The following CALHM1 variants were observed in gnomAD, a reference collection of about 807,000 sequenced individuals.
CALHM1 encodes the protein calcium homeostasis modulator protein 1.
CALHM1 carries 11 observed loss-of-function variants against 14.8 expected under a neutral mutation model. The ratio of observed to expected loss-of-function variants is 0.74; its 90% confidence interval spans 0.47 to 1.23. CALHM1 has a LOEUF of 1.23. Among genes scored for constraint, CALHM1 ranks in the 50% most tolerant of loss-of-function variants. CALHM1 has a pLI of 0.00. For synonymous variants in CALHM1, 215 were observed against 218.9 expected (o/e 0.98, Z 0.16); for missense variants, 458 against 496.4 (o/e 0.92, Z 0.74).
intron 1 of CALHM1, among the ~76,000 whole-genome samples, chr10:103,457,116 G>A (rs2133824014): frequency 6.6e-6 from 1 of 152,308 alleles, no homozygotes; most frequent in South Asian, 2.1e-4. Flanking sequence ...GTTTTTAGAA[G>A]ATGCCAACAA....
At position 103,455,176 on chromosome 10, in the gene CALHM1, G is replaced by A. The variant is rs1408268125; in HGVS notation, c.*86C>T. 8.1e-6 allele frequency: 12 copies of A among 1,473,880 alleles called. No homozygotes were observed. In the African/African-American group the frequency reaches 8.5e-5, roughly 10 times the overall value. The allele number at this position is 1,473,880 out of a possible 1,614,324, so 91.3% of individuals were successfully genotyped here. On this transcript the variant is annotated 3_prime_UTR_variant, in exon 2 of 2. Coordinates refer to ENST00000329905, the MANE Select transcript of CALHM1 (RefSeq NM_001001412.4). ...GCCTAGGGGAGTACTGCCCAGCACTGAAACCCTTCCTTTTTCCACCTGGTT... is the reference window on the plus strand; with the variant it reads ...GCCTAGGGGAGTACTGCCCAGCACTAAAACCCTTCCTTTTTCCACCTGGTT...
rs1450746144 is a variant in CALHM1, at chr10:103,454,529, G to GT, written c.*732dup. ...TCTGATTTCCCCTGGAGACCTGGATGTGACGGGGGTATTAAGGTGGTTTTT... is the reference window on the plus strand; with the variant it reads ...TCTGATTTCCCCTGGAGACCTGGATGTTGACGGGGGTATTAAGGTGGTTTTT... On this transcript the variant is annotated 3_prime_UTR_variant, in exon 2 of 2. Coordinates refer to ENST00000329905, the MANE Select transcript of CALHM1 (RefSeq NM_001001412.4). 6.6e-6 allele frequency: 1 copy of GT among 152,234 alleles called. No individual in the cohort carries two copies. Among genetic ancestry groups the GT allele is most frequent in the Non-Finnish European group, 1.5e-5 (1 of 68,038 alleles). The allele number at this position is 152,234 out of a possible 1,614,324, so 9.4% of individuals were successfully genotyped here.
chr10:103,454,499 G>T lies in CALHM1; in HGVS notation c.*763C>A, dbSNP rs1303566005. The T allele has an allele frequency of 6.6e-6, 1 of 152,220 alleles. No homozygotes were observed. 9.4% of individuals were successfully genotyped at this position (152,220 alleles called of 1,614,324 possible). On this transcript the variant is annotated 3_prime_UTR_variant, in exon 2 of 2. Transcript: ENST00000329905. ...TGTGTCTAACTTCTCAAGCCTTGGG[G>T]ATGGTCTGATTTCCCCTGGAGACCT... is the stretch of plus-strand genomic sequence containing the variant.
chr10:103,458,549 C>G lies in CALHM1; in HGVS notation c.203G>C (p.Gly68Ala). ...GGACACGTTGTTGTTCATGACCAGG[C>G]CAAGCAGAAAGAGCACCAGGGGTGG... ...LAPPLVLFLL[G>A]LVMNNNVSML... The change falls in exon 1 of 2, where the codon GGC (glycine) becomes GCC (alanine). Residue 68 changes from glycine (G) to alanine (A), a missense_variant. Transcript: ENST00000329905. The surrounding 1 kb of genome is among the most constrained non-coding windows in gnomAD (Gnocchi z 4.9). 6.2e-7 allele frequency: 1 copy of G among 1,613,778 alleles called. No homozygotes were observed. The highest frequency in any genetic ancestry group is 8.5e-7 in the Non-Finnish European group (1 of 1,180,044).
Position 103,458,711 on chromosome 10 carries a change from G to A in CALHM1, c.41C>T (p.Ser14Phe), listed in dbSNP as rs776126146. 1.2e-6 allele frequency: 2 copies of A among 1,613,792 alleles called. No homozygotes were observed. Among genetic ancestry groups the A allele is most frequent in the South Asian group, 2.2e-5 (2 of 91,058 alleles). The change falls in exon 1 of 2, where the codon TCC (serine) becomes TTC (phenylalanine). Residue 14 changes from serine (S) to phenylalanine (F), a missense_variant. Ser to Phe is a radical substitution (Grantham distance 155). Coordinates refer to ENST00000329905, the MANE Select transcript of CALHM1 (RefSeq NM_001001412.4). The surrounding 1 kb of genome is among the most constrained non-coding windows in gnomAD (Gnocchi z 4.9). ...GCCATTCATGAAGGACTCCTGGTTG[G>A]ACTGCAGGAACTGGAAGATCATCCG... ...KFRMIFQFLQ[S>F]NQESFMNGIC...
Position 103,458,612 on chromosome 10 carries a change from C to A in CALHM1, c.140G>T (p.Gly47Val). 2 of 1,613,976 alleles carry A rather than the reference C, an allele frequency of 1.2e-6. No homozygotes were observed. Among genetic ancestry groups the A allele is most frequent in the Non-Finnish European group, 1.7e-6 (2 of 1,180,036 alleles). ...AFDFNCPCLP[G>V]YNAAYSAGIL... ...GCCCGCGCTGTAGGCTGCATTGTAG[C>A]CCGGCAGGCAGGGGCAGTTGAAGTC... Residue 47 changes from glycine to valine, a missense_variant, in exon 1 of 2, where the codon GGC becomes GTC. Physicochemically the swap from Gly to Val is moderately radical, Grantham distance 109. Coordinates refer to ENST00000329905, the MANE Select transcript of CALHM1 (RefSeq NM_001001412.4). This position sits in a 1 kb window ranked among gnomAD's most constrained non-coding sequence, Gnocchi z 4.9.
chr10:103,457,272 C>T (rs563888958), intron 1 of CALHM1, among the ~76,000 whole-genome samples: 1 of 152,308 alleles, frequency 6.6e-6, no homozygotes, highest in Admixed American at 6.5e-5. Context: ...GGCCCTGAGG[C>T]CGGGGACGAT....
Position 103,455,754 on chromosome 10 carries a change from G to A in CALHM1, c.556-7C>T. On this transcript the variant is annotated splice_region_variant and splice_polypyrimidine_tract_variant and intron_variant, in intron 1 of 1. Transcript: ENST00000329905. ...CGAAGGACCAGCCCAGCGCCTGTGG[G>A]AAGATGAGAGAGAGTCACGGGGCAC... 1 of 1,608,306 alleles carries A rather than the reference G, an allele frequency of 6.2e-7. No homozygotes were observed. The highest frequency in any genetic ancestry group is 8.5e-7 in the Non-Finnish European group (1 of 1,176,866).
At chr10:103,456,681 C>A (rs1427247755) in intron 1 of CALHM1, among the ~76,000 whole-genome samples, 1 of 152,202 alleles carries the variant, frequency 6.6e-6, no homozygotes, top group African/African-American at 2.4e-5. Context: ...GCTGGGGGCA[C>A]CCCAGCCTGT....
chr10:103,455,291 C>T lies in CALHM1; in HGVS notation c.1012G>A (p.Glu338Lys), dbSNP rs577920633. The part of the protein sequence containing the change: ...AGGGPRPPRK[E>K]VATYFSKV Reference sequence around the variant, plus strand: ...ACTTTGCTGAAGTAGGTGGCCACCTCCTTACGCGGAGGCCGGGGCCCACCC... The same window carrying T: ...ACTTTGCTGAAGTAGGTGGCCACCTTCTTACGCGGAGGCCGGGGCCCACCC... Residue 338 changes from glutamate (E) to lysine (K), a missense_variant, in exon 2 of 2, where the codon GAG (glutamate) becomes AAG (lysine). Transcript: ENST00000329905. The T allele has an allele frequency of 2.2e-5, 35 of 1,611,394 alleles. No homozygotes were observed. Among genetic ancestry groups the T allele is most frequent in the Middle Eastern group, 1.7e-4 (1 of 6,040 alleles).
Position 103,458,074 on chromosome 10 carries a change from C to G in CALHM1, c.555+123G>C. On this transcript the variant is annotated intron_variant, in intron 1 of 1. Coordinates refer to ENST00000329905, the MANE Select transcript of CALHM1 (RefSeq NM_001001412.4). This position sits in a 1 kb window ranked among gnomAD's most constrained non-coding sequence, Gnocchi z 4.9. ...GCCTTCAGCCTCAGTTGGGAAGATG[C>G]CCCCCACACCTCGGAGCTCCACCTG... 1 of 1,161,126 alleles carries G rather than the reference C, an allele frequency of 8.6e-7. No homozygotes were observed. The highest frequency in any genetic ancestry group is 1.5e-5 in the South Asian group (1 of 68,690). 71.9% of individuals were successfully genotyped at this position (1,161,126 alleles called of 1,614,324 possible). A position where few individuals can be genotyped will look rare whatever the true frequency, so the allele number is the denominator to read the frequency against.
chr10:103,455,013 C>T lies in CALHM1; in HGVS notation c.*249G>A. On this transcript the variant is annotated 3_prime_UTR_variant, in exon 2 of 2. Coordinates refer to ENST00000329905, the MANE Select transcript of CALHM1 (RefSeq NM_001001412.4). ...TGTACCTGCCATGACAGTTCCGACC[C>T]CTTTAGACTAATACTGCTCATGGGC... is the stretch of plus-strand genomic sequence containing the variant. 1 of 577,888 alleles carries T rather than the reference C, an allele frequency of 1.7e-6. No homozygotes were observed. Among genetic ancestry groups the T allele is most frequent in the Non-Finnish European group, 3.0e-6 (1 of 332,466 alleles). The allele number at this position is 577,888 out of a possible 1,614,324, so 35.8% of individuals were successfully genotyped here. A position where few individuals can be genotyped will look rare whatever the true frequency, so the allele number is the denominator to read the frequency against.
chr10:103,458,142 C>T lies in CALHM1; in HGVS notation c.555+55G>A, dbSNP rs2133824515. On this transcript the variant is annotated intron_variant, in intron 1 of 1. Transcript: ENST00000329905. This position sits in a 1 kb window ranked among gnomAD's most constrained non-coding sequence, Gnocchi z 4.9. ...GAGAGGTAGGGGGATAGGGCCCTCC[C>T]AGAGGGACCTTGATCTGCCAGGGAG... 1.3e-6 allele frequency: 2 copies of T among 1,589,280 alleles called. No individual in the cohort carries two copies. The highest frequency in any genetic ancestry group is 1.7e-6 in the Non-Finnish European group (2 of 1,165,540).
chr10:103,458,589 C>G lies in CALHM1; in HGVS notation c.163G>C (p.Gly55Arg). Residue 55 changes from glycine to arginine, a missense_variant, in exon 1 of 2, where the codon GGC (glycine) becomes CGC (arginine). Coordinates refer to ENST00000329905, the MANE Select transcript of CALHM1 (RefSeq NM_001001412.4). This position sits in a 1 kb window ranked among gnomAD's most constrained non-coding sequence, Gnocchi z 4.9. ...LPGYNAAYSA[G>R]ILLAPPLVLF... ...ACCAGGGGTGGCGCCAGCAGGATGC[C>G]CGCGCTGTAGGCTGCATTGTAGCCC... 1 of 1,613,928 alleles carries G rather than the reference C, an allele frequency of 6.2e-7. No individual in the cohort carries two copies. The highest frequency in any genetic ancestry group is 1.3e-5 in the African/African-American group (1 of 75,054).
chr10:103,458,734 C>G lies in CALHM1; in HGVS notation c.18G>C (p.Arg6=). ...TGGACTGCAGGAACTGGAAGATCAT[C>G]CGGAACTTGTCCATCATGCCCGCTG... The part of the protein sequence containing the change: MMDKF[R]MIFQFLQSNQ... Residue 6 remains arginine (R), a synonymous_variant, in exon 1 of 2, where the codon CGG becomes CGC. Transcript: ENST00000329905. This position sits in a 1 kb window ranked among gnomAD's most constrained non-coding sequence, Gnocchi z 4.9. 6.2e-7 allele frequency: 1 copy of G among 1,611,330 alleles called. No individual in the cohort carries two copies. Among genetic ancestry groups the G allele is most frequent in the Non-Finnish European group, 8.5e-7 (1 of 1,178,328 alleles).
At position 103,458,164 on chromosome 10, in the gene CALHM1, G is replaced by A. The variant is rs1203980540; in HGVS notation, c.555+33C>T. The A allele has an allele frequency of 1.2e-6, 2 of 1,608,980 alleles. No individual in the cohort carries two copies. Among genetic ancestry groups the A allele is most frequent in the African/African-American group, 1.3e-5 (1 of 74,910 alleles). On this transcript the variant is annotated intron_variant, in intron 1 of 1. Coordinates refer to ENST00000329905, the MANE Select transcript of CALHM1 (RefSeq NM_001001412.4). The surrounding 1 kb of genome is among the most constrained non-coding windows in gnomAD (Gnocchi z 4.9). The stretch of plus-strand genomic sequence containing the variant: ...TCCCAGAGGGACCTTGATCTGCCAG[G>A]GAGACCCAGCGTGAAGCCATGCGGC...
In CALHM1 at chr10:103,455,511, G is replaced by A. The variant is rs147896633; in HGVS notation, c.792C>T (p.His264=). Residue 264 remains histidine (H), a synonymous_variant, in exon 2 of 2, where the codon CAC becomes CAT. Coordinates refer to ENST00000329905, the MANE Select transcript of CALHM1 (RefSeq NM_001001412.4). ...AAGCAGGGGCCGTGGCCAGTGTCCC[G>A]TGGGTGTGACCCAGCTCCAGGTCAT... The part of the protein sequence containing the change: ...MNHDLELGHT[H]GTLATAPASA... The A allele has an allele frequency of 6.2e-6, 10 of 1,613,564 alleles. No homozygotes were observed. Among genetic ancestry groups the A allele is most frequent in the Admixed American group, 3.3e-5 (2 of 59,984 alleles).
Position 103,458,687 on chromosome 10 carries a change from C to T in CALHM1, c.65G>A (p.Gly22Asp), listed in dbSNP as rs777686378. 6 of 1,613,980 alleles carry T rather than the reference C, an allele frequency of 3.7e-6. No individual in the cohort carries two copies. Among genetic ancestry groups the T allele is most frequent in the Non-Finnish European group, 5.1e-6 (6 of 1,180,044 alleles). ...GGCCAGGGCCATGATGCCACAGATG[C>T]CATTCATGAAGGACTCCTGGTTGGA... is the stretch of plus-strand genomic sequence containing the variant. ...LQSNQESFMN[G>D]ICGIMALASA... Residue 22 changes from glycine (G) to aspartate (D), a missense_variant, in exon 1 of 2, where the codon GGC (glycine) becomes GAC (aspartate). Gly to Asp is a moderately conservative substitution (Grantham distance 94). Transcript: ENST00000329905. The surrounding 1 kb of genome is among the most constrained non-coding windows in gnomAD (Gnocchi z 4.9).
rs760769081 is a variant in CALHM1 at position 103,458,523 on chromosome 10, T to C, written c.229A>G (p.Met77Val). ...GGCCGCTTCCACTCTTCGGCCAGCATGGACACGTTGTTGTTCATGACCAGG... is the reference window on the plus strand; with the variant it reads ...GGCCGCTTCCACTCTTCGGCCAGCACGGACACGTTGTTGTTCATGACCAGG... ...LGLVMNNNVSMLAEEWKRPLG... is the reference protein window; with the variant it reads ...LGLVMNNNVSVLAEEWKRPLG... The change falls in exon 1 of 2, where the codon ATG (methionine) becomes GTG (valine). Residue 77 changes from methionine (M) to valine (V), a missense_variant. Met to Val is a conservative substitution (Grantham distance 21). Coordinates refer to ENST00000329905, the MANE Select transcript of CALHM1 (RefSeq NM_001001412.4). This position sits in a 1 kb window ranked among gnomAD's most constrained non-coding sequence, Gnocchi z 4.9. 75 of 1,613,494 alleles carry C rather than the reference T, an allele frequency of 4.6e-5. No homozygotes were observed. In the East Asian group the frequency reaches 1.6e-3, roughly 35 times the overall value.
Sources: gnomAD v4.1 joint callset for allele counts (sites outside exome capture counted in the v4.1 genomes callset) on GRCh38, gnomAD v4.1.1 for gene constraint, Gnocchi (gnomAD v3.1) non-coding constraint, MANE v1.5 for transcripts, NCBI Gene and HGNC (gene_info 2026-07-23, HGNC 2026-07-21) for gene names.